The following NFIB variants were observed in gnomAD, a reference collection of about 807,000 sequenced individuals.
NFIB encodes nuclear factor I B, also known as nuclear factor 1 B-type.
A neutral mutation model predicts 61.5 loss-of-function variants in NFIB; 11 were observed. The ratio of observed to expected loss-of-function variants is 0.18; its 90% CI spans 0.11 to 0.30. The LOEUF is 0.30. Ranked by LOEUF, NFIB falls within the 10% of genes least tolerant of loss-of-function variation. The probability of loss-of-function intolerance (pLI) is 1.00; values close to 1 mark genes in which losing one functional copy is unlikely to be tolerated. For synonymous variants in NFIB, 260 were observed against 216.5 expected, an observed-to-expected ratio of 1.20 and a Z score of -1.76; for missense variants, 471 against 608.9, an observed-to-expected ratio of 0.77 and a Z score of 2.38.
At chr9:14,477,360 T>C in the NFIB span, among the ~76,000 whole-genome samples, 4 of 152,232 alleles carry the variant, frequency 2.6e-5, no homozygotes, top group Non-Finnish European at 5.9e-5. Context: ...TCCAAATCTT[T>C]TTCTGGGTAT....
chr9:14,480,286 C>G, the NFIB span, among the ~76,000 whole-genome samples: 1 of 152,106 alleles, frequency 6.6e-6, no homozygotes, highest in Non-Finnish European at 1.5e-5. Flanking sequence ...TCTAACACTT[C>G]TTGACTCCTA....
chr9:14,366,072 C>T (rs186769553), intron 1 of NFIB, among the ~76,000 whole-genome samples: 1 of 152,298 alleles, frequency 6.6e-6, no homozygotes, highest in East Asian at 1.9e-4. Context: ...CCTCCAGACG[C>T]TCCTGATCAA....
chr9:14,251,019 C>A (rs567486583), intron 2 of NFIB, among the ~76,000 whole-genome samples: 2 of 152,084 alleles, frequency 1.3e-5, no homozygotes. Flanking sequence ...GATGTCTATT[C>A]CTGAAGTATG....
the NFIB span, among the ~76,000 whole-genome samples, chr9:14,456,497 A>G: frequency 1.3e-5 from 2 of 152,178 alleles, no homozygotes; most frequent in Non-Finnish European, 2.9e-5. Flanking sequence ...ATGCACAAAA[A>G]GCCAATAATG....
At chr9:14,383,076 A>T (rs1352915918) in intron 1 of NFIB, among the ~76,000 whole-genome samples, 1 of 118,878 alleles carries the variant, frequency 8.4e-6, no homozygotes, top group Non-Finnish European at 1.9e-5. Context: ...AGGCCAAAGG[A>T]ATATGACAAA....
At chr9:14,334,973 C>T (rs2060868195) in intron 1 of NFIB, among the ~76,000 whole-genome samples, 1 of 152,304 alleles carries the variant, frequency 6.6e-6, no homozygotes, top group South Asian at 2.1e-4. Context: ...TTTCTTTCAG[C>T]ATAATTATTT....
intron 1 of NFIB, among the ~76,000 whole-genome samples, chr9:14,351,130 T>G (rs780850052): frequency 1.8e-4 from 27 of 152,192 alleles, no homozygotes; most frequent in Non-Finnish European, 3.4e-4. Flanking sequence ...CCAGACTAGC[T>G]GCTAAGCAGG....
chr9:14,215,823 C>CAATT (rs2050794703), intron 2 of NFIB, among the ~76,000 whole-genome samples: 1 of 152,196 alleles, frequency 6.6e-6, no homozygotes, highest in Non-Finnish European at 1.5e-5. Context: ...CTTGCCCACT[C>CAATT]ACTTGCTTTG....
chr9:14,185,594 T>C (rs2047254662), intron 2 of NFIB, among the ~76,000 whole-genome samples: 1 of 152,176 alleles, frequency 6.6e-6, no homozygotes, highest in Non-Finnish European at 1.5e-5. Flanking sequence ...TATTTAGCCT[T>C]ATAGCCCTAA....
At chr9:14,206,368 C>T (rs1224583431) in intron 2 of NFIB, among the ~76,000 whole-genome samples, 4 of 151,854 alleles carry the variant, frequency 2.6e-5, no homozygotes, top group African/African-American at 9.7e-5. Context: ...AGGGTTTCAC[C>T]ATGCTGCCCA....
At chr9:14,491,324 T>G in the NFIB span, among the ~76,000 whole-genome samples, 1 of 152,156 alleles carries the variant, frequency 6.6e-6, no homozygotes, top group African/African-American at 2.4e-5. Flanking sequence ...AGATTTGAAC[T>G]AGATGGTGAA....
chr9:14,228,801 C>G (rs370599241), intron 2 of NFIB, among the ~76,000 whole-genome samples: 1 of 152,108 alleles, frequency 6.6e-6, no homozygotes, highest in Non-Finnish European at 1.5e-5. Flanking sequence ...GAGTGTGTTA[C>G]TCATGTGGTT....
At chr9:14,423,771 T>C in the NFIB span, among the ~76,000 whole-genome samples, 2 of 152,392 alleles carry the variant, frequency 1.3e-5, no homozygotes, top group East Asian at 1.9e-4. Flanking sequence ...ACTCAGATTC[T>C]GCTTTCCTTG....
intron 2 of NFIB, among the ~76,000 whole-genome samples, chr9:14,207,495 C>G (rs910927376): frequency 2.6e-5 from 4 of 152,212 alleles, no homozygotes; most frequent in Non-Finnish European, 5.9e-5. Flanking sequence ...TTGCCCATAG[C>G]ATGCCACAAA....
intron 3 of NFIB, among the ~76,000 whole-genome samples, chr9:14,167,499 C>T (rs944013363): frequency 6.6e-6 from 1 of 152,176 alleles, no homozygotes; most frequent in African/African-American, 2.4e-5. Flanking sequence ...CACCACTGCA[C>T]TCCAGACCGG....
intron 10 of NFIB, among the ~76,000 whole-genome samples, chr9:14,110,857 G>C (rs2037245422): frequency 6.6e-6 from 1 of 152,018 alleles, no homozygotes; most frequent in East Asian, 1.9e-4. Flanking sequence ...CAAAACTGGA[G>C]TTCATTATAA....
the NFIB span, among the ~76,000 whole-genome samples, chr9:14,454,003 G>C: frequency 1.8e-4 from 27 of 151,990 alleles, no homozygotes; most frequent in African/African-American, 6.3e-4. Flanking sequence ...GCTTGAACCC[G>C]GGAGGCAATG....
chr9:14,204,649 C>G, intron 2 of NFIB: 1 of 660,552 alleles, frequency 1.5e-6, no homozygotes, highest in South Asian at 1.7e-5. Flanking sequence ...GAACACCTGT[C>G]CTTCAAGCAG....
chr9:14,278,242 C>T (rs2058136631), intron 2 of NFIB, among the ~76,000 whole-genome samples: 2 of 152,224 alleles, frequency 1.3e-5, no homozygotes, highest in Non-Finnish European at 2.9e-5. Context: ...ATATTTTCTT[C>T]TGTTGGTAGG....
Sources: gnomAD v4.1 joint callset for allele counts (sites outside exome capture counted in the v4.1 genomes callset) on GRCh38, gnomAD v4.1.1 for gene constraint, MANE v1.5 for transcripts, NCBI Gene and HGNC (gene_info 2026-07-23, HGNC 2026-07-21) for gene names.